The following SPOCK1 variants were observed in gnomAD, a reference collection of about 807,000 sequenced individuals.
The protein encoded by SPOCK1 is testican-1.
In SPOCK1, 23 loss-of-function variants were observed where a neutral mutation model predicts 55.3. The ratio of observed to expected loss-of-function variants is 0.42; its 90% CI spans 0.30 to 0.59. SPOCK1 has a LOEUF of 0.59. Ranked by LOEUF, SPOCK1 falls within the 20% of genes least tolerant of loss-of-function variation. The probability of loss-of-function intolerance (pLI) is 0.22; values close to 1 mark genes in which losing one functional copy is unlikely to be tolerated. For synonymous variants in SPOCK1, 226 were observed against 221.0 expected, an observed-to-expected ratio of 1.02 and a Z score of -0.20; for missense variants, 499 against 552.5, an observed-to-expected ratio of 0.90 and a Z score of 0.97.
chr5:137,182,625 C>G (rs1462422725), intron 3 of SPOCK1, among the ~76,000 whole-genome samples: 1 of 152,174 alleles, frequency 6.6e-6, no homozygotes, highest in African/African-American at 2.4e-5. Context: ...CACTAAACCT[C>G]TGGGTCAGCA....
chr5:137,064,403 C>T (rs918209038), intron 6 of SPOCK1, among the ~76,000 whole-genome samples: 9 of 152,056 alleles, frequency 5.9e-5, no homozygotes, highest in African/African-American at 1.9e-4. Flanking sequence ...GTGTGTATTG[C>T]CACAGTTTTT....
At chr5:137,302,088 T>C (rs1428557585) in intron 2 of SPOCK1, among the ~76,000 whole-genome samples, 1 of 152,146 alleles carries the variant, frequency 6.6e-6, no homozygotes, top group Non-Finnish European at 1.5e-5. Flanking sequence ...GCAGAACCTA[T>C]AAACAGTTGT....
At chr5:137,002,133 T>G (rs1260094451) in intron 6 of SPOCK1, among the ~76,000 whole-genome samples, 1 of 152,114 alleles carries the variant, frequency 6.6e-6, no homozygotes, top group Non-Finnish European at 1.5e-5. Flanking sequence ...AAAAGCAATC[T>G]TTGGAAGAGT....
At chr5:137,033,305 G>T (rs1209536120) in intron 6 of SPOCK1, among the ~76,000 whole-genome samples, 1 of 152,244 alleles carries the variant, frequency 6.6e-6, no homozygotes, top group Non-Finnish European at 1.5e-5. Flanking sequence ...AACTCCACAG[G>T]AGAGGACAAT....
chr5:137,271,258 G>C (rs1174886386), intron 2 of SPOCK1, among the ~76,000 whole-genome samples: 1 of 151,344 alleles, frequency 6.6e-6, no homozygotes, highest in African/African-American at 2.4e-5. Flanking sequence ...TGAAACCTGT[G>C]AAATTATTGG....
chr5:137,485,607 C>T (rs115065777), intron 2 of SPOCK1, among the ~76,000 whole-genome samples: 2,154 of 152,286 alleles, frequency 0.014, 15 homozygotes, highest in Middle Eastern at 0.027. Context: ...TACCAAAAGA[C>T]ATGCCTCAGA....
At position 137,426,226 on chromosome 5, in the gene SPOCK1, T is replaced by C. The variant is rs372076020; in HGVS notation, c.186+72147A>G. ...AATTAGTGTTAGCTGCCTATCATCATTGCTGTTATTTGACTGTTGCTTTTA... is the reference window on the plus strand; with the variant it reads ...AATTAGTGTTAGCTGCCTATCATCACTGCTGTTATTTGACTGTTGCTTTTA... On this transcript the variant is annotated intron_variant, in intron 2 of 10. Transcript: ENST00000394945. Among the ~76,000 whole-genome samples the C allele has an allele frequency of 3.3e-5, 5 of 152,356 alleles. No individual in the cohort carries two copies. In the East Asian group the frequency reaches 7.7e-4, roughly 23 times the overall value.
At chr5:137,162,383 C>G (rs1754575319) in intron 3 of SPOCK1, among the ~76,000 whole-genome samples, 1 of 152,120 alleles carries the variant, frequency 6.6e-6, no homozygotes, top group South Asian at 2.1e-4. Context: ...AGGTGATTCT[C>G]CTGCCTTGGC....
chr5:137,486,561 C>T (rs529586588), intron 2 of SPOCK1, among the ~76,000 whole-genome samples: 3 of 152,310 alleles, frequency 2.0e-5, no homozygotes, highest in African/African-American at 7.2e-5. Flanking sequence ...TACATGGTAG[C>T]CTGGTCAGTA....
intron 2 of SPOCK1, among the ~76,000 whole-genome samples, chr5:137,390,741 C>A (rs1751701780): frequency 1.3e-5 from 2 of 152,194 alleles, no homozygotes; most frequent in Non-Finnish European, 2.9e-5. Flanking sequence ...CTACTGCCAG[C>A]AAGGCATGGT....
chr5:137,304,220 G>T (rs1188421052), intron 2 of SPOCK1, among the ~76,000 whole-genome samples: 1 of 151,974 alleles, frequency 6.6e-6, no homozygotes, highest in Non-Finnish European at 1.5e-5. Flanking sequence ...TAAGAAACGA[G>T]GTTTTGATGT....
At chr5:137,132,093 T>C (rs189305616) in intron 4 of SPOCK1, among the ~76,000 whole-genome samples, 52 of 126,988 alleles carry the variant, frequency 4.1e-4, no homozygotes, top group African/African-American at 1.3e-3. Context: ...GAAAATGGCG[T>C]GAACCAGGGA....
At chr5:137,410,720 G>A (rs1473065009) in intron 2 of SPOCK1, among the ~76,000 whole-genome samples, 1 of 152,186 alleles carries the variant, frequency 6.6e-6, no homozygotes, top group Non-Finnish European at 1.5e-5. Context: ...GCATGAGCTC[G>A]AGTTCAGAAG....
Position 137,087,204 on chromosome 5 carries a change from G to C in SPOCK1, c.475-19375C>G, listed in dbSNP as rs375326416. Among the ~76,000 whole-genome samples, 8 of 152,308 alleles carry C rather than the reference G, an allele frequency of 5.3e-5. 1 individual carries two copies. The East Asian group carries it at 1.5e-3, about 29-fold the overall frequency. On this transcript the variant is annotated intron_variant, in intron 5 of 10. Coordinates refer to ENST00000394945, the MANE Select transcript of SPOCK1 (RefSeq NM_004598.4). ...CCTCCCATCTGATGAACTGCAGCAG[G>C]GAGGTGTCACTAGGTGGGCTCCCTT...
At chr5:137,433,645 G>A (rs1215641610) in intron 2 of SPOCK1, among the ~76,000 whole-genome samples, 2 of 152,140 alleles carry the variant, frequency 1.3e-5, no homozygotes, top group African/African-American at 4.8e-5. Flanking sequence ...AAGGCCTTTG[G>A]TTATTGATGG....
intron 6 of SPOCK1, among the ~76,000 whole-genome samples, chr5:137,044,639 TTTC>T (rs1408197290): frequency 1.3e-5 from 2 of 152,048 alleles, no homozygotes; most frequent in East Asian, 3.9e-4. Context: ...TAAATGACTA[TTTC>T]TTTTTTTTTT....
At chr5:137,190,996 G>T (rs1248294635) in intron 3 of SPOCK1, among the ~76,000 whole-genome samples, 1 of 152,202 alleles carries the variant, frequency 6.6e-6, no homozygotes, top group Non-Finnish European at 1.5e-5. Flanking sequence ...AGCAAGCCTT[G>T]AAAGACCTTC....
Position 137,289,209 on chromosome 5 carries a change from T to C in SPOCK1, c.187-22154A>G, listed in dbSNP as rs527967066. ...TAGCTAAAGGACTGATGAATGCTCATTATAAGTAATACTCTTGTTTAATAA... is the reference window on the plus strand; with the variant it reads ...TAGCTAAAGGACTGATGAATGCTCACTATAAGTAATACTCTTGTTTAATAA... On this transcript the variant is annotated intron_variant, in intron 2 of 10. Transcript: ENST00000394945. Among the ~76,000 whole-genome samples the C allele has an allele frequency of 2.1e-3, 314 of 152,358 alleles. 2 individuals carry two copies. The highest frequency in any genetic ancestry group is 3.3e-3 in the Non-Finnish European group (223 of 68,034).
chr5:137,358,426 A>AAGGAAGGAAGGAAGG (rs1561514378), intron 2 of SPOCK1, among the ~76,000 whole-genome samples: 2 of 64,446 alleles, frequency 3.1e-5, no homozygotes, highest in South Asian at 8.0e-4. Flanking sequence ...AGGAAGGAGG[A>AAGGAAGGAAGGAAGG]AAGAAAGAAA....
Sources: allele counts gnomAD v4.1 joint callset (sites outside exome capture counted in the v4.1 genomes callset), GRCh38; gene constraint gnomAD v4.1.1; transcripts MANE v1.5; gene names NCBI Gene and HGNC (gene_info 2026-07-23, HGNC 2026-07-21).